MIPEP: variants seen among roughly 807,000 people sequenced by gnomAD.
MIPEP encodes the protein mitochondrial intermediate peptidase.
MIPEP carries 79 observed loss-of-function variants against 90.3 expected under a neutral mutation model. The observed-to-expected ratio is 0.87, with a 90% confidence interval of 0.73 to 1.05. The LOEUF (loss-of-function observed/expected upper bound fraction) is 1.05, where lower values mean the gene tolerates loss of function less well. MIPEP is among the 50% of genes least tolerant of loss of function. MIPEP has a pLI of 0.00. For synonymous variants in MIPEP, 334 were observed against 315.8 expected (o/e 1.06, Z -0.61); for missense variants, 940 against 905.6 (o/e 1.04, Z -0.49).
chr13:23,792,633 C>T lies in MIPEP; in HGVS notation c.1848+13317G>A, dbSNP rs563112318. ...TTGGCCTCCCAAAGTGCTAGGATTA[C>T]AGGTGTGAGCCACGATGTCTGGCCG... is the stretch of plus-strand genomic sequence containing the variant. On this transcript the variant is annotated intron_variant, in intron 16 of 18. Coordinates refer to ENST00000382172, the MANE Select transcript of MIPEP (RefSeq NM_005932.4). Among the ~76,000 whole-genome samples, 9 of 152,346 alleles carry T rather than the reference C, an allele frequency of 5.9e-5. No individual in the cohort carries two copies. The East Asian group carries it at 1.5e-3, about 26-fold the overall frequency.
At chr13:23,742,150 A>G (rs1952337483) in intron 18 of MIPEP, among the ~76,000 whole-genome samples, 1 of 152,236 alleles carries the variant, frequency 6.6e-6, no homozygotes, top group Admixed American at 6.5e-5. Context: ...CTGGTTCCGC[A>G]TGGTATCTTA....
chr13:23,885,912 T>TAAAAAAA (rs34069993), intron 2 of MIPEP, among the ~76,000 whole-genome samples: 1 of 134,916 alleles, frequency 7.4e-6, no homozygotes. Flanking sequence ...CTGTCTCTAT[T>TAAAAAAA]AAAAAAAAAA....
intron 14 of MIPEP, among the ~76,000 whole-genome samples, chr13:23,833,989 C>T (rs926910531): frequency 6.6e-6 from 1 of 152,122 alleles, no homozygotes; most frequent in Non-Finnish European, 1.5e-5. Flanking sequence ...CCTGCGGAAC[C>T]CTCGGAAGCA....
chr13:23,812,187 TGTAACGC>T (rs11274555), intron 14 of MIPEP, among the ~76,000 whole-genome samples: 52,158 of 151,576 alleles, frequency 0.34, 9,439 homozygotes, highest in African/African-American at 0.46. Flanking sequence ...AGTTACTAAC[TGTAACGC>T]GTGCAGGGAA....
intron 14 of MIPEP, among the ~76,000 whole-genome samples, chr13:23,822,437 A>G (rs1953317199): frequency 6.6e-6 from 1 of 152,226 alleles, no homozygotes; most frequent in African/African-American, 2.4e-5. Flanking sequence ...GCAAGGCTGT[A>G]CTACGGTTGG....
intron 14 of MIPEP, among the ~76,000 whole-genome samples, chr13:23,833,983 C>CG (rs1158050529): frequency 6.6e-6 from 1 of 152,112 alleles, no homozygotes; most frequent in Non-Finnish European, 1.5e-5. Flanking sequence ...CCTGACCCTG[C>CG]GGAACCCTCG....
At chr13:23,817,957 G>A (rs1657192191) in intron 14 of MIPEP, among the ~76,000 whole-genome samples, 1 of 149,862 alleles carries the variant, frequency 6.7e-6, no homozygotes, top group South Asian at 2.1e-4. Flanking sequence ...AGTTAGATAA[G>A]GAAAAATGAA....
At chr13:23,780,627 A>C (rs1952771576) in intron 16 of MIPEP, among the ~76,000 whole-genome samples, 2 of 152,236 alleles carry the variant, frequency 1.3e-5, no homozygotes, top group African/African-American at 4.8e-5. Context: ...GAGTTGAGAG[A>C]AGAAGGCTTC....
chr13:23,736,977 C>T (rs145464370), intron 18 of MIPEP, among the ~76,000 whole-genome samples: 4 of 152,296 alleles, frequency 2.6e-5, no homozygotes, highest in African/African-American at 9.6e-5. Flanking sequence ...TTGCCTCATG[C>T]CCCGAAATTC....
chr13:23,879,048 AAAT>A (rs1384958751), intron 4 of MIPEP, among the ~76,000 whole-genome samples: 2 of 152,224 alleles, frequency 1.3e-5, no homozygotes, highest in Non-Finnish European at 2.9e-5. Context: ...CTATGAAGAA[AAAT>A]AAATCAGGAT....
intron 2 of MIPEP, among the ~76,000 whole-genome samples, chr13:23,883,537 C>A (rs1273605418): frequency 5.9e-5 from 9 of 152,088 alleles, no homozygotes; most frequent in Admixed American, 3.3e-4. Context: ...CACAGCACAC[C>A]CCATACATCA....
chr13:23,858,980 C>G (rs1454071556), intron 9 of MIPEP, 68 bp from the exon 10 acceptor site: 9 of 1,309,054 alleles, frequency 6.9e-6, no homozygotes, highest in Non-Finnish European at 9.9e-6. Context: ...AGCAACGTGG[C>G]CAGCCTATAG....
chr13:23,837,249 T>G (rs1869095125), intron 13 of MIPEP, among the ~76,000 whole-genome samples: 1 of 152,214 alleles, frequency 6.6e-6, no homozygotes, highest in Non-Finnish European at 1.5e-5. Flanking sequence ...GAGATACGTT[T>G]TTATTCACAC....
intron 16 of MIPEP, among the ~76,000 whole-genome samples, chr13:23,781,461 A>C (rs2137361844): frequency 6.6e-6 from 1 of 152,330 alleles, no homozygotes; most frequent in South Asian, 2.1e-4. Context: ...GAAGCACTAA[A>C]CATGGAAAGG....
chr13:23,845,449 G>C (rs1869495196), intron 10 of MIPEP, among the ~76,000 whole-genome samples: 1 of 152,126 alleles, frequency 6.6e-6, no homozygotes, highest in African/African-American at 2.4e-5. Context: ...TTTTATTATT[G>C]ATTTTAACTT....
At chr13:23,810,187 C>T (rs1479624981) in intron 14 of MIPEP, among the ~76,000 whole-genome samples, 3 of 152,092 alleles carry the variant, frequency 2.0e-5, no homozygotes, top group Non-Finnish European at 4.4e-5. Flanking sequence ...ACACTGGCGC[C>T]GATCTTTAAA....
chr13:23,838,506 C>G (rs1330681433), intron 12 of MIPEP, among the ~76,000 whole-genome samples: 6 of 152,096 alleles, frequency 3.9e-5, no homozygotes, highest in Non-Finnish European at 8.8e-5. Context: ...AGCAAGGGAT[C>G]CGGAGCCAGA....
intron 16 of MIPEP, among the ~76,000 whole-genome samples, chr13:23,785,686 GGGAC>G (rs1952832412): frequency 6.6e-6 from 1 of 151,250 alleles, no homozygotes; most frequent in Admixed American, 6.6e-5. Context: ...GGGTGTATGA[GGGAC>G]TTCTAAGAAG....
Position 23,837,701 on chromosome 13 carries a change from A to G in MIPEP, c.1394T>C (p.Leu465Pro), listed in dbSNP as rs1231683550. 6.2e-7 allele frequency: 1 copy of G among 1,614,094 alleles called. No homozygotes were observed. Among genetic ancestry groups the G allele is most frequent in the Non-Finnish European group, 8.5e-7 (1 of 1,179,908 alleles). The change falls in exon 13 of 19, where the codon CTC (leucine) becomes CCC (proline). Residue 465 changes from leucine (L) to proline (P), a missense_variant. Transcript: ENST00000382172. ...GRLKEDGDYQ[L>P]PVVVLMLNLP... ...ATTCAGCATAAGAACTACAACTGGG[A>G]GTTGATAGTCTCCATCTTCCTTTAG...
Sources: allele counts gnomAD v4.1 joint callset (sites outside exome capture counted in the v4.1 genomes callset), GRCh38; gene constraint gnomAD v4.1.1; transcripts MANE v1.5; gene names NCBI Gene and HGNC (gene_info 2026-07-23, HGNC 2026-07-21).